The following SIMC1 variants were observed in gnomAD, a reference collection of about 807,000 sequenced individuals.
SIMC1 encodes the protein SUMO interacting motifs containing 1.
In SIMC1, 55 loss-of-function variants were observed where a neutral mutation model predicts 82.3. That is an observed-to-expected ratio of 0.67 (90% confidence interval 0.54 to 0.84). The LOEUF is 0.84. Among genes scored for constraint, SIMC1 ranks in the 40% least tolerant of loss-of-function variants. SIMC1 has a pLI of 0.00. For synonymous variants in SIMC1, 353 were observed against 426.3 expected, an observed-to-expected ratio of 0.83 and a Z score of 2.12; for missense variants, 915 against 1,107.2, an observed-to-expected ratio of 0.83 and a Z score of 2.46.
intron 7 of SIMC1, among the ~76,000 whole-genome samples, chr5:176,329,770 A>G (rs1223261434): frequency 6.6e-6 from 1 of 152,218 alleles, no homozygotes; most frequent in African/African-American, 2.4e-5. Flanking sequence ...GGATTAAACA[A>G]ATAAATATAT....
intron 1 of SIMC1, among the ~76,000 whole-genome samples, chr5:176,260,702 A>G (rs1459740409): frequency 2.0e-5 from 3 of 152,114 alleles, no homozygotes; most frequent in Non-Finnish European, 4.4e-5. Context: ...ATATACCACT[A>G]TTGTGGACAT....
intron 7 of SIMC1, among the ~76,000 whole-genome samples, chr5:176,330,602 C>A (rs1325681597): frequency 6.6e-6 from 1 of 151,952 alleles, no homozygotes; most frequent in African/African-American, 2.4e-5. Flanking sequence ...ATTTGAGCTC[C>A]AAAATGAATA....
chr5:176,297,274 G>A (rs541264568), intron 4 of SIMC1, among the ~76,000 whole-genome samples: 5 of 152,166 alleles, frequency 3.3e-5, no homozygotes, highest in Non-Finnish European at 7.3e-5. Context: ...GCCAAGGCGG[G>A]CAAATCACCT....
intron 1 of SIMC1, among the ~76,000 whole-genome samples, chr5:176,266,091 T>C (rs1486269162): frequency 6.6e-6 from 1 of 152,098 alleles, no homozygotes; most frequent in African/African-American, 2.4e-5. Context: ...TGCCTCACAG[T>C]TAAAGTACTC....
intron 5 of SIMC1, among the ~76,000 whole-genome samples, chr5:176,321,421 G>A (rs1275696170): frequency 1.3e-5 from 2 of 150,250 alleles, no homozygotes; most frequent in African/African-American, 4.9e-5. Flanking sequence ...CCAGCCTGGC[G>A]ACAGAGCGAG....
At chr5:176,263,970 C>T (rs4046120) in intron 1 of SIMC1, among the ~76,000 whole-genome samples, 6 of 152,184 alleles carry the variant, frequency 3.9e-5, no homozygotes, top group Admixed American at 3.3e-4. Context: ...CAAAAGAAAG[C>T]GGTAATAGGC....
At chr5:176,245,550 G>T (rs890579055) in intron 1 of SIMC1, among the ~76,000 whole-genome samples, 1 of 151,914 alleles carries the variant, frequency 6.6e-6, no homozygotes, top group South Asian at 2.1e-4. Flanking sequence ...TTCAACTTTC[G>T]ATTTTGTTTT....
At chr5:176,293,840 TAA>T (rs1055670546) in intron 2 of SIMC1, among the ~76,000 whole-genome samples, 20 of 151,694 alleles carry the variant, frequency 1.3e-4, no homozygotes, top group African/African-American at 3.6e-4. Context: ...ATAAAAGTAA[TAA>T]GTGTGTTATG....
chr5:176,323,322 A>C (rs1765242291), intron 6 of SIMC1, among the ~76,000 whole-genome samples: 1 of 152,206 alleles, frequency 6.6e-6, no homozygotes, highest in Non-Finnish European at 1.5e-5. Context: ...CTGTTCCTTC[A>C]ATGGAAGCTA....
chr5:176,311,444 A>G (rs927058131), intron 4 of SIMC1, among the ~76,000 whole-genome samples: 6 of 151,766 alleles, frequency 4.0e-5, no homozygotes, highest in South Asian at 2.1e-4. Flanking sequence ...GGGTCTCACT[A>G]TGTTTCCGGG....
intron 4 of SIMC1, chr5:176,308,344 C>G (rs1310495978): frequency 6.6e-7 from 1 of 1,520,624 alleles, no homozygotes; most frequent in African/African-American, 1.4e-5. Context: ...GAAATTTCAC[C>G]AGGGCAGCTG....
Position 176,337,105 on chromosome 5 carries a change from A to T in SIMC1, c.2372A>T (p.His791Leu). 6.2e-7 allele frequency: 1 copy of T among 1,614,038 alleles called. No homozygotes were observed. Among genetic ancestry groups the T allele is most frequent in the East Asian group, 2.2e-5 (1 of 44,882 alleles). ...QWQTWDELVE[H>L]LQFLLSSYQH... ...CAGACTTGGGACGAATTGGTTGAGC[A>T]TCTGCAGTTTCTGCTGTCCAGTTAT... is the stretch of plus-strand genomic sequence containing the variant. The change falls in exon 9 of 10, where the codon CAT becomes CTT. Residue 791 changes from histidine (H) to leucine (L), a missense_variant. Transcript: ENST00000429602.
In SIMC1 at chr5:176,324,648, A is replaced by G; in HGVS notation, c.2062A>G (p.Arg688Gly). 6.2e-7 allele frequency: 1 copy of G among 1,611,706 alleles called. No individual in the cohort carries two copies. Among genetic ancestry groups the G allele is most frequent in the Non-Finnish European group, 8.5e-7 (1 of 1,179,012 alleles). ...TNQLIVCQLQ[R>G]MLSIAVEVDR... Reference sequence around the variant, plus strand: ...ACTCAGGATTGTGTGCCAGCTTCAGAGGATGCTCTCCATAGCCGTAGAGGT... The same window carrying G: ...ACTCAGGATTGTGTGCCAGCTTCAGGGGATGCTCTCCATAGCCGTAGAGGT... Residue 688 changes from arginine (R) to glycine (G), a missense_variant, in exon 7 of 10, where the codon AGG (arginine) becomes GGG (glycine). Arg to Gly is a moderately radical substitution (Grantham distance 125). Transcript: ENST00000429602.
intron 1 of SIMC1, among the ~76,000 whole-genome samples, chr5:176,285,487 T>A (rs1053654332): frequency 1.4e-4 from 21 of 152,216 alleles, no homozygotes; most frequent in Admixed American, 5.2e-4. Flanking sequence ...GGGACGTATC[T>A]CAAAATAATA....
In SIMC1 at chr5:176,287,696, A is replaced by G. The variant is rs114359532; in HGVS notation, c.130-1958A>G. ...GCAAACACTTAAAAAAATAAAATAAATTGAAAGAATAAAAAAAGAAAAAAA... is the reference window on the plus strand; with the variant it reads ...GCAAACACTTAAAAAAATAAAATAAGTTGAAAGAATAAAAAAAGAAAAAAA... On this transcript the variant is annotated intron_variant, in intron 1 of 9. Transcript: ENST00000429602. Among the ~76,000 whole-genome samples, 1,059 of 151,714 alleles carry G rather than the reference A, an allele frequency of 7.0e-3. 13 individuals are homozygous for G. The highest frequency in any genetic ancestry group is 0.024 in the African/African-American group (984 of 41,398).
intron 9 of SIMC1, among the ~76,000 whole-genome samples, chr5:176,342,892 A>G (rs1035478602): frequency 6.6e-6 from 1 of 152,240 alleles, no homozygotes; most frequent in African/African-American, 2.4e-5. Flanking sequence ...ATATCAGTCC[A>G]CAAGGACTGG....
chr5:176,249,673 T>C (rs1393554346), intron 1 of SIMC1, among the ~76,000 whole-genome samples: 2 of 151,846 alleles, frequency 1.3e-5, no homozygotes, highest in African/African-American at 4.8e-5. Flanking sequence ...ACCCCGTCTC[T>C]ACTAAAAATA....
At chr5:176,308,889 T>C in intron 4 of SIMC1, 2 of 1,330,246 alleles carry the variant, frequency 1.5e-6, no homozygotes, top group East Asian at 2.3e-5. Flanking sequence ...TGCAGTCAGA[T>C]GTCAGCAGTC....
intron 1 of SIMC1, among the ~76,000 whole-genome samples, chr5:176,279,563 G>A (rs1252880660): frequency 6.7e-6 from 1 of 150,358 alleles, no homozygotes; most frequent in East Asian, 1.9e-4. Context: ...TAATTGTGAT[G>A]TTAGGGTGTC....
Sources: allele counts gnomAD v4.1 joint callset (sites outside exome capture counted in the v4.1 genomes callset), GRCh38; gene constraint gnomAD v4.1.1; transcripts MANE v1.5; gene names NCBI Gene and HGNC (gene_info 2026-07-23, HGNC 2026-07-21).